The following MPPED1 variants were observed in gnomAD, a reference collection of about 807,000 sequenced individuals.
The protein encoded by MPPED1 is metallophosphoesterase domain-containing protein 1.
In MPPED1, 16 loss-of-function variants were observed where a neutral mutation model predicts 36.2. That is an observed-to-expected ratio of 0.44 (90% CI 0.30 to 0.67). The LOEUF is 0.67. Among genes scored for constraint, MPPED1 ranks in the 30% least tolerant of loss-of-function variants. The probability of loss-of-function intolerance (pLI) is 0.10; values close to 1 mark genes in which losing one functional copy is unlikely to be tolerated. For missense variants in MPPED1, 307 were observed against 453.4 expected (o/e 0.68, Z 2.93); for synonymous variants, 199 against 191.3 (o/e 1.04, Z -0.33).
At chr22:43,497,041 GGTA>G (rs1192957324) in intron 4 of MPPED1, among the ~76,000 whole-genome samples, 11 of 146,460 alleles carry the variant, frequency 7.5e-5, no homozygotes, top group East Asian at 2.0e-4. Flanking sequence ...TGGTGGTGGA[GGTA>G]GTGGTGGTGG....
At chr22:43,420,567 G>A (rs1301619005) in intron 1 of MPPED1, among the ~76,000 whole-genome samples, 1 of 152,018 alleles carries the variant, frequency 6.6e-6, no homozygotes, top group Non-Finnish European at 1.5e-5. Flanking sequence ...ACCACGCCTG[G>A]CTGTTTGTAT....
intron 4 of MPPED1, 118 bp from the exon 5 acceptor site, chr22:43,498,117 G>C (rs1162048918): frequency 1.4e-6 from 1 of 700,654 alleles, no homozygotes; most frequent in African/African-American, 1.8e-5. Flanking sequence ...ACCTTCCCTG[G>C]GTCTCCAGGT....
chr22:43,433,680 C>T (rs1473014549), intron 2 of MPPED1, among the ~76,000 whole-genome samples: 5 of 151,452 alleles, frequency 3.3e-5, no homozygotes, highest in Non-Finnish European at 7.4e-5. Flanking sequence ...ATGGAGCGCG[C>T]TAGTGCGCCC....
Position 43,502,090 on chromosome 22 carries a change from GGCAGGC to G in MPPED1, c.749-543_749-538del, listed in dbSNP as rs908575874. 6.6e-6 allele frequency among the ~76,000 whole-genome samples: 1 copy of G among 152,136 alleles called. No individual in the cohort carries two copies. The highest frequency in any genetic ancestry group is 2.1e-4 in the South Asian group (1 of 4,826). On this transcript the variant is annotated intron_variant, in intron 5 of 6. Transcript: ENST00000443721. The surrounding 1 kb of genome is among the most constrained non-coding windows in gnomAD (Gnocchi z 5.5). ...GCGGCTCCAGGAGGCTGGCAGCGGGGGCAGGCGCAGGCGCAGCCACGTGAGCGATGC... is the reference window on the plus strand; with the variant it reads ...GCGGCTCCAGGAGGCTGGCAGCGGGGGCAGGCGCAGCCACGTGAGCGATGC...
chr22:43,483,818 C>A (rs1045573834), intron 4 of MPPED1, among the ~76,000 whole-genome samples: 2 of 152,202 alleles, frequency 1.3e-5, no homozygotes, highest in Non-Finnish European at 1.5e-5. Flanking sequence ...TGGGCACACC[C>A]AGCAGGGGCC....
At chr22:43,438,162 G>A (rs1210729739) in intron 3 of MPPED1, among the ~76,000 whole-genome samples, 3 of 152,170 alleles carry the variant, frequency 2.0e-5, no homozygotes, top group Non-Finnish European at 2.9e-5. Flanking sequence ...CCATGAGGGC[G>A]GCACGGGAGC....
Position 43,502,526 on chromosome 22 carries a change from A to G in MPPED1, c.749-118A>G. 1.3e-6 allele frequency: 1 copy of G among 744,394 alleles called. No individual in the cohort carries two copies. The highest frequency in any genetic ancestry group is 2.3e-6 in the Non-Finnish European group (1 of 441,100). The allele number at this position is 744,394 out of a possible 1,614,324, so 46.1% of individuals were successfully genotyped here. On this transcript the variant is annotated intron_variant, in intron 5 of 6. Transcript: ENST00000443721. This position sits in a 1 kb window ranked among gnomAD's most constrained non-coding sequence, Gnocchi z 5.5. ...GAGCTTGCTAGGGGAGAGTGGTGCA[A>G]AGCCGGAGTCCGGAAGCCCCATGCC...
chr22:43,465,118 G>A (rs1011881976), intron 3 of MPPED1, among the ~76,000 whole-genome samples: 2 of 152,210 alleles, frequency 1.3e-5, no homozygotes, highest in Non-Finnish European at 2.9e-5. Context: ...ACTGAGGCAC[G>A]AGGAGGGGAA....
At chr22:43,505,379 A>G in intron 6 of MPPED1, 119 bp from the exon 7 acceptor site, 1 of 765,706 alleles carries the variant, frequency 1.3e-6, no homozygotes, top group African/African-American at 1.7e-5. Flanking sequence ...TCGAGAGTTT[A>G]CCAGCTTGCC....
intron 3 of MPPED1, among the ~76,000 whole-genome samples, chr22:43,458,487 T>C (rs1429663241): frequency 6.6e-6 from 1 of 152,174 alleles, no homozygotes; most frequent in Non-Finnish European, 1.5e-5. Context: ...GGTTTCACCA[T>C]GTTGGCCAGT....
At chr22:43,463,819 C>CTTTTTTTTTTTTTTTT (rs1480549521) in intron 3 of MPPED1, among the ~76,000 whole-genome samples, 7 of 83,446 alleles carry the variant, frequency 8.4e-5, no homozygotes, top group Non-Finnish European at 1.6e-4. Flanking sequence ...TTCTTTCTTT[C>CTTTTTTTTTTTTTTTT]TTTCTTTCTT....
At position 43,432,792 on chromosome 22, in the gene MPPED1, GGA is replaced by G. The variant is rs370472816; in HGVS notation, c.225-2231_225-2230del. On this transcript the variant is annotated intron_variant, in intron 2 of 6. Coordinates refer to ENST00000443721, the MANE Select transcript of MPPED1 (RefSeq NM_001044370.2). ...AAGGGAGGAGAGAGAGAGAAAGGGA[GGA>G]GAGAGAGAGAAAGGGAGGAGAGAGA... 1.5e-3 allele frequency among the ~76,000 whole-genome samples: 86 copies of G among 58,806 alleles called. 1 individual carries two copies. The highest frequency in any genetic ancestry group is 5.1e-3 in the African/African-American group (70 of 13,842). 38.6% of individuals were successfully genotyped at this position (58,806 alleles called of 152,430 possible).
Position 43,495,179 on chromosome 22 carries a change from A to G in MPPED1, c.633-3056A>G, listed in dbSNP as rs1569088314. On this transcript the variant is annotated intron_variant, in intron 4 of 6. Coordinates refer to ENST00000443721, the MANE Select transcript of MPPED1 (RefSeq NM_001044370.2). ...TGCTGGTAGTGATGACAGAGGTGTG[A>G]TGGAGGTGGTGATGATGGAAGTGGT... 3.9e-5 allele frequency among the ~76,000 whole-genome samples: 5 copies of G among 126,726 alleles called. No individual in the cohort carries two copies. In the South Asian group the frequency reaches 1.1e-3, roughly 29 times the overall value. The allele number at this position is 126,726 out of a possible 152,430, so 83.1% of individuals were successfully genotyped here.
chr22:43,491,962 AGGT>A (rs1339215008), intron 4 of MPPED1, among the ~76,000 whole-genome samples: 1 of 123,698 alleles, frequency 8.1e-6, no homozygotes, highest in Non-Finnish European at 1.7e-5. Context: ...GTGGTGATGG[AGGT>A]GGTGGTAATG....
At chr22:43,448,055 T>C (rs1424723989) in intron 3 of MPPED1, among the ~76,000 whole-genome samples, 1 of 151,434 alleles carries the variant, frequency 6.6e-6, no homozygotes, top group African/African-American at 2.4e-5. Context: ...ATTTTTGTAT[T>C]TTTAATTTTT....
At chr22:43,463,176 T>C (rs913577316) in intron 3 of MPPED1, among the ~76,000 whole-genome samples, 1 of 152,138 alleles carries the variant, frequency 6.6e-6, no homozygotes, top group African/African-American at 2.4e-5. Flanking sequence ...AATGTGGGTC[T>C]TTACTTCATT....
intron 4 of MPPED1, among the ~76,000 whole-genome samples, chr22:43,489,418 C>T (rs1932015355): frequency 6.6e-6 from 1 of 152,096 alleles, no homozygotes; most frequent in Admixed American, 6.5e-5. Flanking sequence ...TTTAAGAAGT[C>T]CCCCTTTCCC....
chr22:43,492,761 G>A (rs1416283635), intron 4 of MPPED1, among the ~76,000 whole-genome samples: 8 of 152,166 alleles, frequency 5.3e-5, no homozygotes, highest in Non-Finnish European at 1.0e-4. Flanking sequence ...GGGCAGGAGC[G>A]ACAGCCCTCT....
chr22:43,424,848 A>G (rs1929403107), intron 1 of MPPED1, 60 bp from the exon 2 acceptor site: 3 of 1,451,426 alleles, frequency 2.1e-6, no homozygotes, highest in African/African-American at 1.4e-5. Context: ...TTCATCTGAC[A>G]TTAAATAAAG....
Sources: gnomAD v4.1 joint callset for allele counts (sites outside exome capture counted in the v4.1 genomes callset) on GRCh38, gnomAD v4.1.1 for gene constraint, Gnocchi (gnomAD v3.1) non-coding constraint, MANE v1.5 for transcripts, NCBI Gene and HGNC (gene_info 2026-07-23, HGNC 2026-07-21) for gene names.